RTL4: variants seen among roughly 807,000 people sequenced by gnomAD.
RTL4 encodes the protein retrotransposon Gag-like protein 4.
RTL4 carries 4 observed loss-of-function variants against 5.3 expected under a neutral mutation model. That is an observed-to-expected ratio of 0.75 (90% CI 0.37 to 1.72). The LOEUF (loss-of-function observed/expected upper bound fraction) is 1.72, where lower values mean the gene tolerates loss of function less well. RTL4 is among the 40% of genes most tolerant of loss of function. The probability of loss-of-function intolerance (pLI) is 0.04; values close to 1 mark genes in which losing one functional copy is unlikely to be tolerated. For missense variants in RTL4, 260 were observed against 227.1 expected (o/e 1.14, Z -0.93); for synonymous variants, 98 against 87.3 (o/e 1.12, Z -0.68).
chrX:112,167,575 G>T, the RTL4 span, among the ~76,000 whole-genome samples: 2 of 111,237 alleles, frequency 1.8e-5, no homozygotes, highest in Non-Finnish European at 3.8e-5. Context: ...TTGAGTTTCT[G>T]CAATGTGCCT....
the RTL4 span, among the ~76,000 whole-genome samples, chrX:112,231,285 C>T: frequency 1.2e-3 from 132 of 109,881 alleles, no homozygotes; most frequent in South Asian, 2.7e-3. Context: ...ATGTTTATTG[C>T]GGCACTATTC....
chrX:112,084,507 GA>G, the RTL4 span, among the ~76,000 whole-genome samples: 144 of 104,209 alleles, frequency 1.4e-3, 1 homozygote, highest in African/African-American at 4.1e-3. Flanking sequence ...GAGGGTCGCT[GA>G]AAAAAAAAAA....
At chrX:112,383,234 G>A in the RTL4 span, among the ~76,000 whole-genome samples, 12 of 110,780 alleles carry the variant, frequency 1.1e-4, no homozygotes, top group East Asian at 2.0e-3. Flanking sequence ...ATTTTTTGGG[G>A]GTTCTACAAC....
At chrX:112,235,986 T>C in the RTL4 span, among the ~76,000 whole-genome samples, 1 of 111,357 alleles carries the variant, frequency 9.0e-6, no homozygotes, top group Non-Finnish European at 1.9e-5. Context: ...TCCCAGGTGG[T>C]ACCAAATGTT....
the RTL4 span, among the ~76,000 whole-genome samples, chrX:112,105,501 T>G: frequency 9.0e-6 from 1 of 111,575 alleles, no homozygotes; most frequent in Non-Finnish European, 1.9e-5. Context: ...TTAACAAGAC[T>G]AATTCTTCCA....
chrX:112,357,532 A>G, the RTL4 span, among the ~76,000 whole-genome samples: 1 of 112,075 alleles, frequency 8.9e-6, no homozygotes, highest in African/African-American at 3.2e-5. Flanking sequence ...AAAAAGATCA[A>G]AACAAAACAA....
At chrX:112,342,828 G>C in the RTL4 span, among the ~76,000 whole-genome samples, 1 of 112,070 alleles carries the variant, frequency 8.9e-6, no homozygotes, top group African/African-American at 3.2e-5. Context: ...TTAGCCGGAC[G>C]TGGTGGCTCA....
chrX:112,304,581 A>C, the RTL4 span, among the ~76,000 whole-genome samples: 1 of 108,559 alleles, frequency 9.2e-6, no homozygotes, highest in Admixed American at 9.9e-5. Flanking sequence ...AAAAGGCTCC[A>C]AGTAGTACTG....
At chrX:112,443,523 C>CA in the RTL4 span, among the ~76,000 whole-genome samples, 15 of 112,039 alleles carry the variant, frequency 1.3e-4, no homozygotes, top group African/African-American at 4.9e-4. Context: ...CTGTTCTCCA[C>CA]AGTGGTTGTA....
At chrX:112,159,705 T>C in the RTL4 span, among the ~76,000 whole-genome samples, 1 of 111,060 alleles carries the variant, frequency 9.0e-6, no homozygotes, top group African/African-American at 3.3e-5. Flanking sequence ...AGTCTAAGAT[T>C]CCCCACCTCA....
chrX:112,390,160 T>TA, the RTL4 span, among the ~76,000 whole-genome samples: 22 of 56,190 alleles, frequency 3.9e-4, no homozygotes, highest in South Asian at 1.1e-3. Context: ...TATATATATA[T>TA]TTAGGATCGT....
At chrX:112,455,858 T>A in exon 1 of RTL4, 1 of 420,626 alleles carries the variant, frequency 2.4e-6, no homozygotes, top group Non-Finnish European at 4.1e-6. Flanking sequence ...AACCCGAGAA[T>A]GATGAAAACA....
the RTL4 span, among the ~76,000 whole-genome samples, chrX:112,332,172 T>C: frequency 1.9e-5 from 2 of 105,874 alleles, no homozygotes; most frequent in African/African-American, 6.9e-5. Context: ...AAAAAAAAAG[T>C]CAGGAAACAA....
the RTL4 span, among the ~76,000 whole-genome samples, chrX:112,299,354 G>C: frequency 1.8e-5 from 2 of 112,563 alleles, no homozygotes; most frequent in African/African-American, 3.2e-5. Flanking sequence ...TACAGCATTT[G>C]TTATGAAGTG....
chrX:112,201,366 C>T, the RTL4 span, among the ~76,000 whole-genome samples: 1 of 111,102 alleles, frequency 9.0e-6, no homozygotes, highest in Admixed American at 9.5e-5. Context: ...TACCATTCTA[C>T]TATTTGTAGT....
the RTL4 span, among the ~76,000 whole-genome samples, chrX:112,088,104 G>T: frequency 2.8e-5 from 3 of 106,328 alleles, no homozygotes; most frequent in Non-Finnish European, 5.8e-5. Context: ...TCCCACCTCT[G>T]CCTCCCTAAG....
At chrX:112,176,603 T>C in the RTL4 span, among the ~76,000 whole-genome samples, 9 of 111,728 alleles carry the variant, frequency 8.1e-5, no homozygotes, top group Non-Finnish European at 1.9e-5. Context: ...GATATTTTGA[T>C]ACATGTGTAC....
the RTL4 span, among the ~76,000 whole-genome samples, chrX:112,143,348 A>G: frequency 4.5e-5 from 5 of 111,306 alleles, no homozygotes; most frequent in African/African-American, 1.3e-4. Flanking sequence ...GTAGGTCTCA[A>G]GTAAGAATAG....
the RTL4 span, among the ~76,000 whole-genome samples, chrX:112,332,440 C>A: frequency 9.0e-6 from 1 of 110,604 alleles, no homozygotes; most frequent in Non-Finnish European, 1.9e-5. Context: ...CCCAAATGTC[C>A]AACAATGCAG....
Sources: gnomAD v4.1 joint callset for allele counts (sites outside exome capture counted in the v4.1 genomes callset) on GRCh38, gnomAD v4.1.1 for gene constraint, MANE v1.5 for transcripts, NCBI Gene and HGNC (gene_info 2026-07-23, HGNC 2026-07-21) for gene names.